The following NPSR1 variants were observed in gnomAD, a reference collection of about 807,000 sequenced individuals.
The protein encoded by NPSR1 is neuropeptide S receptor 1, also known as neuropeptide S receptor.
NPSR1 carries 48 observed loss-of-function variants against 46.9 expected under a neutral mutation model. That is an observed-to-expected ratio of 1.02 (90% CI 0.81 to 1.30). NPSR1 has a LOEUF of 1.30. Ranked by LOEUF, NPSR1 falls within the 50% of genes most tolerant of loss-of-function variation. The pLI is 0.00. For missense variants in NPSR1, 450 were observed against 449.5 expected (o/e 1.00, Z -0.01); for synonymous variants, 176 against 168.1 (o/e 1.05, Z -0.36).
rs1303479770 is a variant in NPSR1 at position 34,766,803 on chromosome 7, G to A, written c.281-11659G>A. 2.0e-5 allele frequency among the ~76,000 whole-genome samples: 3 copies of A among 152,078 alleles called. No homozygotes were observed. In the East Asian group the frequency reaches 5.8e-4, roughly 29 times the overall value. The stretch of plus-strand genomic sequence containing the variant: ...TTAGCCAGGATGGTCTCGATCTCCC[G>A]ACCTCGTGATCCACCCGCCTCGGCC... On this transcript the variant is annotated intron_variant, in intron 2 of 8. Transcript: ENST00000360581.
At position 34,751,706 on chromosome 7, in the gene NPSR1, T is replaced by C. The variant is rs1286401076; in HGVS notation, c.281-26756T>C. The C allele has an allele frequency of 2.0e-5, 32 of 1,586,232 alleles. 1 individual carries two copies. Among genetic ancestry groups the C allele is most frequent in the Admixed American group, 5.0e-5 (3 of 59,960 alleles). ...TTCATCAACAGGAAAGTGGGGAGCA[T>C]TGTGGGAGACTCCTTCGGGTCCCCC... On this transcript the variant is annotated intron_variant, in intron 2 of 8. Transcript: ENST00000360581.
intron 2 of NPSR1, among the ~76,000 whole-genome samples, chr7:34,777,761 C>T (rs1787038707): frequency 6.6e-6 from 1 of 152,126 alleles, no homozygotes; most frequent in African/African-American, 2.4e-5. Flanking sequence ...AGTTTTTAGA[C>T]ATATAGCCTA....
At chr7:34,743,378 A>T (rs1021169317) in intron 2 of NPSR1, among the ~76,000 whole-genome samples, 4 of 151,208 alleles carry the variant, frequency 2.6e-5, no homozygotes, top group African/African-American at 7.3e-5. Flanking sequence ...CTTGCCAGTT[A>T]TCTCAGCACT....
intron 3 of NPSR1, chr7:34,779,588 T>G: frequency 7.8e-7 from 1 of 1,283,376 alleles, no homozygotes; most frequent in African/African-American, 1.5e-5. Flanking sequence ...GAATATGGAA[T>G]AGTTACAATC....
intron 7 of NPSR1, chr7:34,845,720 G>T: frequency 2.6e-6 from 1 of 384,598 alleles, no homozygotes; most frequent in South Asian, 2.0e-5. Context: ...ATAAATCTAT[G>T]AGGGCAATGA....
chr7:34,814,824 C>A (rs1293538419), intron 4 of NPSR1, among the ~76,000 whole-genome samples: 1 of 152,174 alleles, frequency 6.6e-6, no homozygotes, highest in Admixed American at 6.5e-5. Context: ...AGCTGAGGGA[C>A]CTGACTGTTA....
At chr7:34,694,872 G>A (rs1364756487) in intron 2 of NPSR1, among the ~76,000 whole-genome samples, 1 of 152,132 alleles carries the variant, frequency 6.6e-6, no homozygotes, top group African/African-American at 2.4e-5. Flanking sequence ...ACCATGCCCA[G>A]CTAATTTTTG....
intron 3 of NPSR1, among the ~76,000 whole-genome samples, chr7:34,799,633 C>T (rs1477163591): frequency 1.3e-5 from 2 of 149,010 alleles, no homozygotes; most frequent in South Asian, 2.2e-4. Context: ...TAAAGACCAT[C>T]GAGAGTAGGA....
intron 4 of NPSR1, among the ~76,000 whole-genome samples, chr7:34,813,313 T>C (rs1327169845): frequency 2.0e-5 from 3 of 152,218 alleles, no homozygotes; most frequent in Non-Finnish European, 4.4e-5. Context: ...ATAATATCTC[T>C]GTGAGGTGGG....
intron 8 of NPSR1, among the ~76,000 whole-genome samples, chr7:34,868,907 G>A (rs910145067): frequency 3.3e-5 from 5 of 151,652 alleles, no homozygotes; most frequent in African/African-American, 1.2e-4. Flanking sequence ...GTGGCCCGGG[G>A]CAACAAACTG....
intron 2 of NPSR1, among the ~76,000 whole-genome samples, chr7:34,777,484 GTTTT>G (rs200082736): frequency 7.1e-6 from 1 of 141,022 alleles, no homozygotes; most frequent in Admixed American, 7.1e-5. Context: ...ATTTAAAACT[GTTTT>G]TTTTTTTTTT....
At chr7:34,674,771 C>T (rs138936710) in intron 1 of NPSR1, among the ~76,000 whole-genome samples, 51 of 152,280 alleles carry the variant, frequency 3.3e-4, no homozygotes, top group African/African-American at 1.2e-3. Flanking sequence ...ACATTTATCA[C>T]TACTGTTGTG....
rs148672110 is a variant in NPSR1 at position 34,745,676 on chromosome 7, G to T, written c.281-32786G>T. On this transcript the variant is annotated intron_variant, in intron 2 of 8. Coordinates refer to ENST00000360581, the MANE Select transcript of NPSR1 (RefSeq NM_207172.2). Reference sequence around the variant, plus strand: ...TGGAACTATAGGTGTGCACCACCAAGCCCAGCTAATTTTTTTTTCTGGAGA... The same window carrying T: ...TGGAACTATAGGTGTGCACCACCAATCCCAGCTAATTTTTTTTTCTGGAGA... Among the ~76,000 whole-genome samples the T allele has an allele frequency of 8.9e-4, 135 of 152,180 alleles. 1 individual carries two copies. Among genetic ancestry groups the T allele is most frequent in the African/African-American group, 3.1e-3 (128 of 41,522 alleles).
intron 5 of NPSR1, among the ~76,000 whole-genome samples, chr7:34,829,431 C>T (rs1790016159): frequency 3.3e-5 from 5 of 152,178 alleles, no homozygotes; most frequent in Admixed American, 2.0e-4. Flanking sequence ...TAAGTCACAG[C>T]GCATGGGAAG....
At chr7:34,736,092 T>G (rs541955025) in intron 2 of NPSR1, among the ~76,000 whole-genome samples, 1 of 152,252 alleles carries the variant, frequency 6.6e-6, no homozygotes, top group Admixed American at 6.5e-5. Context: ...CTTTCTACTT[T>G]CCTCTAGTTT....
chr7:34,792,734 T>TTTATATATATATG (rs1787994356), intron 3 of NPSR1, among the ~76,000 whole-genome samples: 1 of 123,306 alleles, frequency 8.1e-6, no homozygotes, highest in South Asian at 2.5e-4. Context: ...TATATATATA[T>TTTATATATATATG]TAGCCAGGCA....
At chr7:34,779,621 C>A in intron 3 of NPSR1, 2 of 1,228,108 alleles carry the variant, frequency 1.6e-6, no homozygotes, top group Non-Finnish European at 1.0e-6. Context: ...CTGAATATAA[C>A]CTTGAAAGTT....
intron 2 of NPSR1, among the ~76,000 whole-genome samples, chr7:34,754,431 C>T (rs1176651234): frequency 6.6e-6 from 1 of 151,526 alleles, no homozygotes; most frequent in Non-Finnish European, 1.5e-5. Flanking sequence ...CCGGTGCACG[C>T]AAGTATCAGC....
In NPSR1 at chr7:34,856,462, A is replaced by C. The variant is rs867435525; in HGVS notation, c.1025+7799A>C. On this transcript the variant is annotated intron_variant, in intron 8 of 8. Coordinates refer to the NPSR1 transcript ENST00000359791. ...GCAGAAAAATAAGAGAAAAAGCATA[A>C]AATTTATTACTCCTATGCACACGGG... is the stretch of plus-strand genomic sequence containing the variant. Among the ~76,000 whole-genome samples, 5 of 151,850 alleles carry C rather than the reference A, an allele frequency of 3.3e-5. No individual in the cohort carries two copies. In the South Asian group the frequency reaches 1.0e-3, roughly 31 times the overall value.
Sources: gnomAD v4.1 joint callset for allele counts (sites outside exome capture counted in the v4.1 genomes callset) on GRCh38, gnomAD v4.1.1 for gene constraint, MANE v1.5 for transcripts, NCBI Gene and HGNC (gene_info 2026-07-23, HGNC 2026-07-21) for gene names.